The following CACNA2D3 variants were observed in gnomAD, a reference collection of about 807,000 sequenced individuals.
The protein encoded by CACNA2D3 is voltage-dependent calcium channel subunit alpha-2/delta-3.
In CACNA2D3, 60 loss-of-function variants were observed where a neutral mutation model predicts 160.6. That is an observed-to-expected ratio of 0.37 (90% confidence interval 0.30 to 0.46). CACNA2D3 has a LOEUF of 0.46. Among genes scored for constraint, CACNA2D3 ranks in the 20% least tolerant of loss-of-function variants. CACNA2D3 has a pLI of 1.00. For missense variants in CACNA2D3, 1,205 were observed against 1,365.0 expected, an observed-to-expected ratio of 0.88 and a Z score of 1.85; for synonymous variants, 558 against 492.9, an observed-to-expected ratio of 1.13 and a Z score of -1.75.
chr3:54,507,664 C>T (rs1000453863), intron 5 of CACNA2D3, among the ~76,000 whole-genome samples: 3 of 152,140 alleles, frequency 2.0e-5, no homozygotes, highest in African/African-American at 7.2e-5. Context: ...CTGGGTGGCC[C>T]ACAGACTCTT....
intron 2 of CACNA2D3, among the ~76,000 whole-genome samples, chr3:54,280,164 C>T (rs1189936384): frequency 2.0e-5 from 3 of 152,122 alleles, no homozygotes; most frequent in Non-Finnish European, 2.9e-5. Flanking sequence ...TCACTACAAG[C>T]TCTGCCTCCT....
chr3:54,456,077 T>A (rs1239595840), intron 4 of CACNA2D3, among the ~76,000 whole-genome samples: 1 of 152,180 alleles, frequency 6.6e-6, no homozygotes, highest in Non-Finnish European at 1.5e-5. Context: ...ATTTTCTGTT[T>A]CTGTGAAGAA....
At chr3:55,043,484 T>C (rs560600556) in intron 35 of CACNA2D3, among the ~76,000 whole-genome samples, 1 of 152,136 alleles carries the variant, frequency 6.6e-6, no homozygotes, top group African/African-American at 2.4e-5. Flanking sequence ...GTTTTGCTCA[T>C]TTTAAAAAAA....
chr3:54,440,876 C>T (rs1700133810), intron 4 of CACNA2D3, among the ~76,000 whole-genome samples: 2 of 152,122 alleles, frequency 1.3e-5, no homozygotes, highest in African/African-American at 4.8e-5. Context: ...TTTCTTAATC[C>T]AGTCTATCAT....
intron 9 of CACNA2D3, among the ~76,000 whole-genome samples, chr3:54,583,025 A>C (rs1210675738): frequency 1.3e-5 from 2 of 152,226 alleles, no homozygotes; most frequent in Non-Finnish European, 2.9e-5. Context: ...GAGAATGCTC[A>C]TTCATGGTAA....
intron 11 of CACNA2D3, among the ~76,000 whole-genome samples, chr3:54,643,556 C>A (rs1280276698): frequency 6.6e-6 from 1 of 152,198 alleles, no homozygotes; most frequent in Non-Finnish European, 1.5e-5. Flanking sequence ...TAAATTTGAT[C>A]AACCATAAAC....
intron 27 of CACNA2D3, among the ~76,000 whole-genome samples, chr3:54,941,564 GT>G (rs1701467645): frequency 6.6e-6 from 1 of 152,050 alleles, no homozygotes; most frequent in Admixed American, 6.6e-5. Context: ...CGACATTTGG[GT>G]TTTTCAATAT....
chr3:54,278,917 G>C (rs1702807648), intron 2 of CACNA2D3, among the ~76,000 whole-genome samples: 1 of 152,162 alleles, frequency 6.6e-6, no homozygotes, highest in African/African-American at 2.4e-5. Flanking sequence ...GAACCACCAT[G>C]TCACGTGTAT....
intron 35 of CACNA2D3, among the ~76,000 whole-genome samples, chr3:55,030,449 A>T (rs1703664197): frequency 6.6e-6 from 1 of 152,192 alleles, no homozygotes; most frequent in Non-Finnish European, 1.5e-5. Flanking sequence ...ATTCAATGCT[A>T]GCTCTTACAA....
intron 5 of CACNA2D3, among the ~76,000 whole-genome samples, chr3:54,515,919 T>A (rs1701543367): frequency 6.6e-6 from 1 of 152,212 alleles, no homozygotes; most frequent in Admixed American, 6.5e-5. Context: ...TCAAGAGGAC[T>A]TTGTGAAGCA....
chr3:54,202,149 A>T (rs116130352), intron 2 of CACNA2D3, among the ~76,000 whole-genome samples: 3 of 152,174 alleles, frequency 2.0e-5, no homozygotes, highest in Non-Finnish European at 4.4e-5. Flanking sequence ...TAGCCTGGGA[A>T]TCCACCCTAC....
intron 35 of CACNA2D3, among the ~76,000 whole-genome samples, chr3:55,038,908 A>G (rs1213297036): frequency 2.4e-5 from 3 of 122,820 alleles, no homozygotes; most frequent in East Asian, 2.3e-4. Context: ...ATATATATAT[A>G]CACACACTGA....
intron 18 of CACNA2D3, chr3:54,875,803 G>A (rs1260765453): frequency 6.6e-6 from 1 of 152,306 alleles, no homozygotes; most frequent in Non-Finnish European, 1.5e-5. Flanking sequence ...TTCCCAGAGA[G>A]CGGAGAGGCT....
chr3:54,270,479 C>G (rs894997689), intron 2 of CACNA2D3, among the ~76,000 whole-genome samples: 5 of 152,152 alleles, frequency 3.3e-5, no homozygotes, highest in Non-Finnish European at 7.3e-5. Context: ...TGAACCATGG[C>G]TTTGTCAACC....
chr3:54,317,869 C>T (rs1042707588), intron 2 of CACNA2D3, among the ~76,000 whole-genome samples: 1 of 152,156 alleles, frequency 6.6e-6, no homozygotes, highest in East Asian at 1.9e-4. Flanking sequence ...CACGCAGTTT[C>T]TCCATAACTT....
chr3:54,971,998 TA>T (rs1702284118), intron 29 of CACNA2D3, among the ~76,000 whole-genome samples: 1 of 146,834 alleles, frequency 6.8e-6, no homozygotes, highest in Non-Finnish European at 1.5e-5. Flanking sequence ...ATGTTGTTTA[TA>T]AATTTAAAAA....
chr3:54,496,380 AT>A lies in CACNA2D3; in HGVS notation c.382-7107del, dbSNP rs140003486. Reference sequence around the variant, plus strand: ...TAAAATGGCATCTGATTGGAGTTTTATTTTTGTACTTTCCTGATGACTAATG... The same window carrying A: ...TAAAATGGCATCTGATTGGAGTTTTATTTTGTACTTTCCTGATGACTAATG... On this transcript the variant is annotated intron_variant, in intron 4 of 37. Transcript: ENST00000474759. Among the ~76,000 whole-genome samples, 549 of 152,198 alleles carry A rather than the reference AT, an allele frequency of 3.6e-3. 7 individuals carry two copies. Among genetic ancestry groups the A allele is most frequent in the African/African-American group, 0.012 (518 of 41,538 alleles).
chr3:54,318,175 G>A (rs1703910171), intron 2 of CACNA2D3, among the ~76,000 whole-genome samples: 1 of 152,160 alleles, frequency 6.6e-6, no homozygotes, highest in South Asian at 2.1e-4. Context: ...ACAAGGACCT[G>A]TCCTTGCTTC....
intron 2 of CACNA2D3, among the ~76,000 whole-genome samples, chr3:54,153,602 G>A (rs1700189298): frequency 1.3e-5 from 2 of 152,142 alleles, no homozygotes; most frequent in Admixed American, 6.5e-5. Context: ...TAAAACAAAT[G>A]TATGGCTGAT....
Sources: allele counts gnomAD v4.1 joint callset (sites outside exome capture counted in the v4.1 genomes callset), GRCh38; gene constraint gnomAD v4.1.1; transcripts MANE v1.5; gene names NCBI Gene and HGNC (gene_info 2026-07-23, HGNC 2026-07-21).